KDM1B: variants seen among roughly 807,000 people sequenced by gnomAD.
KDM1B encodes the protein lysine-specific histone demethylase 2.
A neutral mutation model predicts 107.4 loss-of-function variants in KDM1B; 63 were observed. That is an observed-to-expected ratio of 0.59 (90% CI 0.48 to 0.72). The LOEUF is 0.72. Among genes scored for constraint, KDM1B ranks in the 30% least tolerant of loss-of-function variants. The pLI is 0.00. For synonymous variants in KDM1B, 363 were observed against 363.9 expected (o/e 1.00, Z 0.03); for missense variants, 749 against 1,020.8 (o/e 0.73, Z 3.63).
chr6:18,220,629 GGATA>G (rs571399319), intron 21 of KDM1B, among the ~76,000 whole-genome samples: 8 of 152,288 alleles, frequency 5.3e-5, no homozygotes, highest in African/African-American at 1.9e-4. Flanking sequence ...TGTGGCAAGG[GGATA>G]AAGGCTGCAT....
chr6:18,212,924 C>T lies in KDM1B; in HGVS notation c.1983+320C>T, dbSNP rs1464144580. Among the ~76,000 whole-genome samples, 1 of 152,086 alleles carries T rather than the reference C, an allele frequency of 6.6e-6. No homozygotes were observed. Among genetic ancestry groups the T allele is most frequent in the Non-Finnish European group, 1.5e-5 (1 of 68,016 alleles). On this transcript the variant is annotated intron_variant, in intron 18 of 21. Coordinates refer to ENST00000650836, the MANE Select transcript of KDM1B (RefSeq NM_001364614.2). This position sits in a 1 kb window ranked among gnomAD's most constrained non-coding sequence, Gnocchi z 5.2. Reference sequence around the variant, plus strand: ...TCTTGTCTGCTTTCCACTCATTGGCCCCAGTGAGGACAGAGGTTTATTTCT... The same window carrying T: ...TCTTGTCTGCTTTCCACTCATTGGCTCCAGTGAGGACAGAGGTTTATTTCT...
intron 6 of KDM1B, among the ~76,000 whole-genome samples, chr6:18,167,801 C>T (rs374186314): frequency 1.3e-4 from 20 of 151,728 alleles, no homozygotes; most frequent in African/African-American, 3.9e-4. Flanking sequence ...CTTGCTCTGT[C>T]GTTCAGGCTA....
chr6:18,199,254 G>T (rs1437554071), intron 12 of KDM1B, among the ~76,000 whole-genome samples: 3 of 152,086 alleles, frequency 2.0e-5, no homozygotes, highest in Non-Finnish European at 4.4e-5. Context: ...ACTACAAGGT[G>T]CAGCCTTCCT....
At chr6:18,184,917 G>A (rs942281162) in intron 7 of KDM1B, among the ~76,000 whole-genome samples, 3 of 151,370 alleles carry the variant, frequency 2.0e-5, no homozygotes, top group African/African-American at 7.3e-5. Flanking sequence ...TGCAATTTTT[G>A]TAGAGATGGG....
At chr6:18,208,603 G>GTGTATATATATATATA (rs1359166965) in intron 17 of KDM1B, among the ~76,000 whole-genome samples, 10 of 34,916 alleles carry the variant, frequency 2.9e-4, no homozygotes, top group Admixed American at 5.7e-4. Flanking sequence ...GTATGTGTAT[G>GTGTATATATATATATA]TATATATATA....
intron 8 of KDM1B, among the ~76,000 whole-genome samples, chr6:18,187,516 T>C (rs550203854): frequency 7.2e-5 from 11 of 152,184 alleles, no homozygotes; most frequent in Admixed American, 2.0e-4. Context: ...TCACCTGGCA[T>C]TGGGGAGCTT....
At chr6:18,189,389 T>C (rs1381294875) in intron 9 of KDM1B, among the ~76,000 whole-genome samples, 1 of 152,188 alleles carries the variant, frequency 6.6e-6, no homozygotes, top group South Asian at 2.1e-4. Flanking sequence ...TTTGGCAGTG[T>C]GCATCAAAAA....
chr6:18,187,987 GC>G lies in KDM1B; in HGVS notation c.772del (p.Leu258SerfsTer8). 1 of 1,550,414 alleles carries G rather than the reference GC, an allele frequency of 6.4e-7. No individual in the cohort carries two copies. The highest frequency in any genetic ancestry group is 8.7e-7 in the Non-Finnish European group (1 of 1,146,984). On this transcript the variant is annotated frameshift_variant, in exon 9 of 22. Coordinates refer to ENST00000650836, the MANE Select transcript of KDM1B (RefSeq NM_001364614.2). LOFTEE classifies it high-confidence loss of function. ...SPGKLEHSKAALSVHVPGMNR... is the reference protein window; with the variant it reads ...SPGKLEHSKAXLSVHVPGMNR... ...TGGGAAGCTGGAGCACTCCAAGGCT[GC>G]CCTCTCCGTGCACGGTGAGAGCCAT... is the stretch of plus-strand genomic sequence containing the variant.
intron 2 of KDM1B, among the ~76,000 whole-genome samples, chr6:18,156,871 C>T (rs114470713): frequency 1.6e-3 from 243 of 152,022 alleles, no homozygotes; most frequent in South Asian, 7.1e-3. Context: ...GAGCCGAGAT[C>T]GCACCACTGT....
chr6:18,195,733 CAAAA>C (rs774459443), intron 10 of KDM1B, among the ~76,000 whole-genome samples: 3 of 107,874 alleles, frequency 2.8e-5, no homozygotes, highest in African/African-American at 3.6e-5. Flanking sequence ...AACTCCATAT[CAAAA>C]AAAAAAAAAA....
At chr6:18,220,154 T>A (rs974350870) in intron 21 of KDM1B, among the ~76,000 whole-genome samples, 2 of 152,224 alleles carry the variant, frequency 1.3e-5, no homozygotes, top group Non-Finnish European at 2.9e-5. Flanking sequence ...AAACTTAAAA[T>A]GAATTGTTAC....
rs375159904 is a variant in KDM1B at position 18,205,165 on chromosome 6, C to T, written c.1532-372C>T. ...AGGACCAGAAAGAGAATGGTAACTT[C>T]TGTGTGTGTGCATGTACATCTATGT... On this transcript the variant is annotated intron_variant, in intron 14 of 21. Transcript: ENST00000650836. The surrounding 1 kb of genome is among the most constrained non-coding windows in gnomAD (Gnocchi z 5.7). Among the ~76,000 whole-genome samples, 1 of 152,168 alleles carries T rather than the reference C, an allele frequency of 6.6e-6. No individual in the cohort carries two copies. Among genetic ancestry groups the T allele is most frequent in the Non-Finnish European group, 1.5e-5 (1 of 68,012 alleles).
rs79674950 is a variant in KDM1B, at chr6:18,205,377, A to G, written c.1532-160A>G. 0.024 allele frequency among the ~76,000 whole-genome samples: 3,617 copies of G among 152,328 alleles called. 55 individuals are homozygous for G. Among genetic ancestry groups the G allele is most frequent in the Middle Eastern group, 0.061 (18 of 294 alleles). On this transcript the variant is annotated intron_variant, in intron 14 of 21. Transcript: ENST00000650836. This position sits in a 1 kb window ranked among gnomAD's most constrained non-coding sequence, Gnocchi z 5.7. Reference sequence around the variant, plus strand: ...GATAAACTTTCTCTTCCTGAGAGAAATGGACCTTATCAAGAGATCTTTTCC... The same window carrying G: ...GATAAACTTTCTCTTCCTGAGAGAAGTGGACCTTATCAAGAGATCTTTTCC...
chr6:18,219,646 CTTATT>C (rs1353063628), intron 21 of KDM1B, among the ~76,000 whole-genome samples: 9 of 152,292 alleles, frequency 5.9e-5, no homozygotes, highest in African/African-American at 1.7e-4. Context: ...TCTCAGAGTT[CTTATT>C]TTGTGTGCTG....
chr6:18,184,314 G>A (rs7741737), intron 7 of KDM1B, among the ~76,000 whole-genome samples: 98,541 of 139,168 alleles, frequency 0.71, 35,323 homozygotes, highest in East Asian at 0.81. Flanking sequence ...TCGCTTTGTC[G>A]CCCAGGCTGG....
intron 2 of KDM1B, among the ~76,000 whole-genome samples, chr6:18,157,207 C>T (rs942534028): frequency 6.6e-6 from 1 of 152,046 alleles, no homozygotes; most frequent in South Asian, 2.1e-4. Context: ...CATTTTAAGA[C>T]CTAAGGACCC....
At position 18,162,992 on chromosome 6, in the gene KDM1B, A is replaced by C; in HGVS notation, c.305+68A>C. 5 of 889,854 alleles carry C rather than the reference A, an allele frequency of 5.6e-6. No individual in the cohort carries two copies. The Admixed American group carries it at 8.8e-5, about 16-fold the overall frequency. The allele number at this position is 889,854 out of a possible 1,614,324, so 55.1% of individuals were successfully genotyped here. A position where few individuals can be genotyped will look rare whatever the true frequency, so the allele number is the denominator to read the frequency against. On this transcript the variant is annotated intron_variant, in intron 5 of 21. Coordinates refer to ENST00000650836, the MANE Select transcript of KDM1B (RefSeq NM_001364614.2). This position sits in a 1 kb window ranked among gnomAD's most constrained non-coding sequence, Gnocchi z 4.1. ...CGTGGCAGGGGCAGTGCGTGTGGTCAGCTGATTAAAGCTTAGTCTCGAGGC... is the reference window on the plus strand; with the variant it reads ...CGTGGCAGGGGCAGTGCGTGTGGTCCGCTGATTAAAGCTTAGTCTCGAGGC...
At chr6:18,160,473 C>T (rs746012467) in intron 3 of KDM1B, among the ~76,000 whole-genome samples, 1 of 152,128 alleles carries the variant, frequency 6.6e-6, no homozygotes, top group African/African-American at 2.4e-5. Context: ...CGGTGGCTTA[C>T]ACCACCTGCA....
In KDM1B at chr6:18,212,307, C is replaced by A. The variant is rs953392482; in HGVS notation, c.1867-181C>A. ...TCAGGACGTTTTTTGCCCACTCTTC[C>A]CTGTGGTTGCCACTTCTGCTTAGCC... On this transcript the variant is annotated intron_variant, in intron 17 of 21. Coordinates refer to ENST00000650836, the MANE Select transcript of KDM1B (RefSeq NM_001364614.2). This position sits in a 1 kb window ranked among gnomAD's most constrained non-coding sequence, Gnocchi z 5.2. 3.1e-6 allele frequency: 2 copies of A among 643,462 alleles called. No individual in the cohort carries two copies. The highest frequency in any genetic ancestry group is 1.8e-5 in the South Asian group (1 of 55,698). 39.9% of individuals were successfully genotyped at this position (643,462 alleles called of 1,614,324 possible). A position where few individuals can be genotyped will look rare whatever the true frequency, so the allele number is the denominator to read the frequency against.
Sources: allele counts gnomAD v4.1 joint callset (sites outside exome capture counted in the v4.1 genomes callset), GRCh38; gene constraint gnomAD v4.1.1; non-coding constraint Gnocchi (gnomAD v3.1); transcripts MANE v1.5; gene names NCBI Gene and HGNC (gene_info 2026-07-23, HGNC 2026-07-21).